Variants in CD200R1L observed in about 807,000 individuals in gnomAD.
The protein encoded by CD200R1L is CD200 receptor 1 like.
A neutral mutation model predicts 24.8 loss-of-function variants in CD200R1L; 14 were observed. The ratio of observed to expected loss-of-function variants is 0.56; its 90% CI spans 0.37 to 0.88. CD200R1L has a LOEUF of 0.88. CD200R1L is among the 40% of genes least tolerant of loss of function. The pLI is 0.00. For missense variants in CD200R1L, 299 were observed against 297.8 expected (o/e 1.00, Z -0.03); for synonymous variants, 111 against 109.2 (o/e 1.02, Z -0.11).
rs958857418 is a variant in CD200R1L, at chr3:112,815,797, C to G, written c.*166G>C. On this transcript the variant is annotated 3_prime_UTR_variant, in exon 8 of 8. Transcript: ENST00000488794. ...GTTTATAGGGAAACTTCATGGTCATCAAGCCCAGGATCCTTCTTCCATCTT... is the reference window on the plus strand; with the variant it reads ...GTTTATAGGGAAACTTCATGGTCATGAAGCCCAGGATCCTTCTTCCATCTT... The G allele has an allele frequency of 5.0e-6, 3 of 594,450 alleles. No homozygotes were observed. The highest frequency in any genetic ancestry group is 9.2e-6 in the Non-Finnish European group (3 of 326,604). The allele number at this position is 594,450 out of a possible 1,614,324, so 36.8% of individuals were successfully genotyped here.
chr3:112,832,417 C>T (rs1341256083), intron 3 of CD200R1L, among the ~76,000 whole-genome samples: 1 of 152,084 alleles, frequency 6.6e-6, no homozygotes, highest in Non-Finnish European at 1.5e-5. Context: ...TTGTTGATTC[C>T]TTGATCTGTA....
chr3:112,841,064 T>A (rs935796470), intron 2 of CD200R1L, among the ~76,000 whole-genome samples: 6 of 152,118 alleles, frequency 3.9e-5, no homozygotes, highest in Non-Finnish European at 8.8e-5. Context: ...AATATATTGA[T>A]GGTTTGATAT....
At chr3:112,835,608 G>A (rs1938921315) in intron 3 of CD200R1L, among the ~76,000 whole-genome samples, 2 of 152,228 alleles carry the variant, frequency 1.3e-5, no homozygotes, top group Admixed American at 6.5e-5. Context: ...CTTGAAGGTG[G>A]GGCTTCACCA....
chr3:112,841,873 A>G (rs910725886), intron 2 of CD200R1L, among the ~76,000 whole-genome samples: 1 of 152,188 alleles, frequency 6.6e-6, no homozygotes, highest in Non-Finnish European at 1.5e-5. Flanking sequence ...AGGTATCAAG[A>G]TGAGATCTGT....
intron 6 of CD200R1L, among the ~76,000 whole-genome samples, chr3:112,825,844 T>A (rs921676955): frequency 1.3e-5 from 2 of 152,184 alleles, no homozygotes; most frequent in African/African-American, 4.8e-5. Context: ...TGAATGTTGG[T>A]ACTACAGAAG....
chr3:112,831,011 A>AG (rs1938784668), intron 3 of CD200R1L, among the ~76,000 whole-genome samples: 1 of 152,146 alleles, frequency 6.6e-6, no homozygotes, highest in Non-Finnish European at 1.5e-5. Context: ...AAGGAGGAAT[A>AG]GGGGGGAGGC....
At chr3:112,829,805 C>A (rs780814292) in intron 3 of CD200R1L, among the ~76,000 whole-genome samples, 5 of 152,128 alleles carry the variant, frequency 3.3e-5, no homozygotes, top group Non-Finnish European at 7.4e-5. Flanking sequence ...CCTTTTTAAC[C>A]TAGCTCCTCT....
chr3:112,816,770 T>C (rs889020182), intron 7 of CD200R1L, among the ~76,000 whole-genome samples: 1 of 152,186 alleles, frequency 6.6e-6, no homozygotes, highest in African/African-American at 2.4e-5. Context: ...AGCTCCCATA[T>C]GGGAGGGACC....
At chr3:112,828,179 A>G (rs924894614) in intron 4 of CD200R1L, among the ~76,000 whole-genome samples, 1 of 152,254 alleles carries the variant, frequency 6.6e-6, no homozygotes, top group African/African-American at 2.4e-5. Context: ...CATCAAAGTT[A>G]AATACCTGTC....
At chr3:112,819,163 C>G (rs1281753820) in intron 7 of CD200R1L, among the ~76,000 whole-genome samples, 8 of 152,128 alleles carry the variant, frequency 5.3e-5, no homozygotes, top group Non-Finnish European at 8.8e-5. Context: ...GGAAACCACT[C>G]CCATGATCCA....
intron 1 of CD200R1L, 34 bp from the exon 2 acceptor site, chr3:112,845,984 A>G (rs1939195285): frequency 4.7e-6 from 2 of 425,160 alleles, no homozygotes; most frequent in East Asian, 8.0e-5. Context: ...AATGCTTACT[A>G]CTCATTGCTT....
intron 7 of CD200R1L, among the ~76,000 whole-genome samples, chr3:112,818,559 T>A (rs1187921902): frequency 6.6e-6 from 1 of 152,266 alleles, no homozygotes; most frequent in Non-Finnish European, 1.5e-5. Context: ...GAAGGTCAGC[T>A]ACTAGCTGAC....
intron 6 of CD200R1L, among the ~76,000 whole-genome samples, chr3:112,825,889 A>G (rs891719738): frequency 2.6e-5 from 4 of 152,238 alleles, no homozygotes; most frequent in African/African-American, 9.6e-5. Flanking sequence ...AAATGGACTG[A>G]TCTATAGATA....
Position 112,826,974 on chromosome 3 carries a change from A to G in CD200R1L, c.616+19T>C, listed in dbSNP as rs1451425673. ...AGTTGAGCATCAAGTTTACTCTTCT[A>G]CAAGAAACAGGCGCTTACCTGAATT... On this transcript the variant is annotated intron_variant, in intron 6 of 7. Coordinates refer to ENST00000488794, the MANE Select transcript of CD200R1L (RefSeq NM_001199215.3). 1 of 1,562,462 alleles carries G rather than the reference A, an allele frequency of 6.4e-7. No individual in the cohort carries two copies. The highest frequency in any genetic ancestry group is 1.2e-5 in the South Asian group (1 of 82,810).
intron 6 of CD200R1L, among the ~76,000 whole-genome samples, chr3:112,824,916 G>A (rs577723350): frequency 2.0e-4 from 30 of 152,130 alleles, no homozygotes; most frequent in Non-Finnish European, 3.8e-4. Context: ...GAAAGTATAG[G>A]GAAAGAAGTG....
chr3:112,831,860 A>T (rs758891421), intron 3 of CD200R1L, among the ~76,000 whole-genome samples: 1 of 152,244 alleles, frequency 6.6e-6, no homozygotes, highest in African/African-American at 2.4e-5. Context: ...TCTTTGTTAC[A>T]ACAGCCCTAG....
intron 6 of CD200R1L, 137 bp from the exon 7 acceptor site, chr3:112,820,032 TG>T: frequency 1.4e-6 from 1 of 723,100 alleles, no homozygotes; most frequent in Non-Finnish European, 2.1e-6. Flanking sequence ...TTCTAAATTA[TG>T]ACTCAAATGT....
Position 112,837,994 on chromosome 3 carries a change from G to A in CD200R1L, c.-70C>T. 1 of 1,237,446 alleles carries A rather than the reference G, an allele frequency of 8.1e-7. No individual in the cohort carries two copies. Among genetic ancestry groups the A allele is most frequent in the Non-Finnish European group, 1.0e-6 (1 of 964,664 alleles). The allele number at this position is 1,237,446 out of a possible 1,614,324, so 76.7% of individuals were successfully genotyped here. The stretch of plus-strand genomic sequence containing the variant: ...GTATTTCCAGTTGTGTCATCAGACA[G>A]GAATTATTATCTGAGGCTAGAAAAT... On this transcript the variant is annotated 5_prime_UTR_variant, in exon 3 of 8. Transcript: ENST00000488794.
At chr3:112,845,460 A>G (rs952907620) in intron 2 of CD200R1L, among the ~76,000 whole-genome samples, 4 of 152,192 alleles carry the variant, frequency 2.6e-5, no homozygotes, top group East Asian at 3.8e-4. Context: ...TTTCACTTCA[A>G]TCCCAGCCCC....
Sources: allele counts gnomAD v4.1 joint callset (sites outside exome capture counted in the v4.1 genomes callset), GRCh38; gene constraint gnomAD v4.1.1; transcripts MANE v1.5; gene names NCBI Gene and HGNC (gene_info 2026-07-23, HGNC 2026-07-21).